Variants in CUX2 observed in about 807,000 individuals in gnomAD.
CUX2 encodes the protein homeobox protein cut-like 2.
CUX2 carries 40 observed loss-of-function variants against 144.8 expected under a neutral mutation model. The observed-to-expected ratio is 0.28, with a 90% CI of 0.21 to 0.36. The LOEUF (loss-of-function observed/expected upper bound fraction) is 0.36. Among genes scored for constraint, CUX2 ranks in the 10% least tolerant of loss-of-function variants. The probability of loss-of-function intolerance (pLI) is 1.00; values close to 1 mark genes in which losing one functional copy is unlikely to be tolerated. For synonymous variants in CUX2, 827 were observed against 875.6 expected (o/e 0.94, Z 0.98); for missense variants, 1,615 against 1,994.0 (o/e 0.81, Z 3.62).
intron 1 of CUX2, among the ~76,000 whole-genome samples, chr12:111,087,282 T>C (rs1015050700): frequency 3.5e-5 from 5 of 141,012 alleles, no homozygotes; most frequent in African/African-American, 1.4e-4. Flanking sequence ...GCAGGAGAAT[T>C]GCTTGAACCT....
At chr12:111,051,080 C>T (rs1015314272) in intron 1 of CUX2, among the ~76,000 whole-genome samples, 12 of 152,078 alleles carry the variant, frequency 7.9e-5, no homozygotes, top group Admixed American at 5.2e-4. Flanking sequence ...ATGCATGTAA[C>T]GAAATATTAC....
At chr12:111,292,107 A>T (rs764927672) in intron 5 of CUX2, among the ~76,000 whole-genome samples, 2 of 152,218 alleles carry the variant, frequency 1.3e-5, no homozygotes, top group Non-Finnish European at 2.9e-5. Context: ...ACCCCAGAGA[A>T]TTGAAAACAC....
rs1869374649 is a variant in CUX2 at position 111,035,242 on chromosome 12, TTCTC to T, written c.63+1007_63+1010del. Among the ~76,000 whole-genome samples the T allele has an allele frequency of 6.6e-6, 1 of 152,254 alleles. No individual in the cohort carries two copies. Among genetic ancestry groups the T allele is most frequent in the Non-Finnish European group, 1.5e-5 (1 of 68,032 alleles). ...GTTTCTTTCCTCTCTTCCCTGCTCT[TTCTC>T]TCTCCTTCCCTAGGGCGACTCTTCG... On this transcript the variant is annotated intron_variant, in intron 1 of 21. Transcript: ENST00000261726. The surrounding 1 kb of genome is among the most constrained non-coding windows in gnomAD (Gnocchi z 6.0).
chr12:111,321,737 A>G (rs1265056677), intron 17 of CUX2, among the ~76,000 whole-genome samples: 4 of 152,180 alleles, frequency 2.6e-5, no homozygotes, highest in South Asian at 2.1e-4. Flanking sequence ...CACCCTAGCC[A>G]GGGGACCTCA....
At chr12:111,083,356 C>G (rs1297469252) in intron 1 of CUX2, among the ~76,000 whole-genome samples, 1 of 152,036 alleles carries the variant, frequency 6.6e-6, no homozygotes. Flanking sequence ...AAGGAGACCA[C>G]GAAGGAGACA....
intron 1 of CUX2, among the ~76,000 whole-genome samples, chr12:111,198,349 C>T (rs1030403817): frequency 6.6e-6 from 1 of 152,006 alleles, no homozygotes; most frequent in Non-Finnish European, 1.5e-5. Flanking sequence ...GTGGTGAACA[C>T]CTGTAATCCT....
intron 1 of CUX2, among the ~76,000 whole-genome samples, chr12:111,141,227 AACACACACACACACACAC>A (rs111451932): frequency 1.4e-5 from 2 of 147,354 alleles, no homozygotes; most frequent in Admixed American, 6.8e-5. Context: ...GGCTTAGGTC[AACACACACACACACACAC>A]ACACACACAC....
intron 1 of CUX2, among the ~76,000 whole-genome samples, chr12:111,088,285 G>C (rs971682751): frequency 6.6e-6 from 1 of 152,038 alleles, no homozygotes; most frequent in African/African-American, 2.4e-5. Context: ...GGTGAAGGGG[G>C]CAAGAGATCT....
intron 1 of CUX2, among the ~76,000 whole-genome samples, chr12:111,088,882 G>A (rs1872398082): frequency 6.6e-6 from 1 of 152,218 alleles, no homozygotes; most frequent in African/African-American, 2.4e-5. Context: ...TGACGAGGCT[G>A]ACAGCTCTGC....
chr12:111,262,930 A>G (rs1884199420), intron 3 of CUX2, among the ~76,000 whole-genome samples: 1 of 152,240 alleles, frequency 6.6e-6, no homozygotes, highest in Non-Finnish European at 1.5e-5. Context: ...TCACCAACAC[A>G]CCGTGTGCCG....
chr12:111,330,467 C>A (rs1033794496), intron 18 of CUX2, among the ~76,000 whole-genome samples: 14 of 151,590 alleles, frequency 9.2e-5, no homozygotes, highest in African/African-American at 3.4e-4. Context: ...CCTCTCTGAA[C>A]CTCGGTTTCC....
At chr12:111,085,166 G>A (rs1460360754) in intron 1 of CUX2, among the ~76,000 whole-genome samples, 1 of 152,202 alleles carries the variant, frequency 6.6e-6, no homozygotes, top group Non-Finnish European at 1.5e-5. Flanking sequence ...TGGGGATGGA[G>A]GTGCTGTGGT....
chr12:111,053,779 A>C (rs1332190521), intron 1 of CUX2, among the ~76,000 whole-genome samples: 1 of 152,184 alleles, frequency 6.6e-6, no homozygotes, highest in East Asian at 1.9e-4. Flanking sequence ...CGGTGAACTC[A>C]TTACCATACA....
chr12:111,218,019 G>T (rs547308565), intron 3 of CUX2, 82 bp downstream of exon 3: 2 of 1,462,042 alleles, frequency 1.4e-6, no homozygotes, highest in African/African-American at 1.4e-5. Context: ...GCCCAGGGGG[G>T]CCAGCAGCCT....
chr12:111,319,905 G>C (rs2136397005), intron 16 of CUX2, 107 bp from the exon 17 acceptor site: 1 of 1,376,706 alleles, frequency 7.3e-7, no homozygotes, highest in Admixed American at 3.4e-5. Context: ...TGGACACAGA[G>C]GTTGCCTGGA....
chr12:111,238,517 G>A (rs1335140562), intron 3 of CUX2, among the ~76,000 whole-genome samples: 1 of 152,226 alleles, frequency 6.6e-6, no homozygotes, highest in Non-Finnish European at 1.5e-5. Context: ...ATGAGGCACA[G>A]AGAGGTTAGG....
chr12:111,125,402 C>T (rs998636971), intron 1 of CUX2, among the ~76,000 whole-genome samples: 1 of 152,144 alleles, frequency 6.6e-6, no homozygotes, highest in African/African-American at 2.4e-5. Context: ...TGGTCTTGAA[C>T]TCTTGGACTC....
intron 1 of CUX2, among the ~76,000 whole-genome samples, chr12:111,064,466 T>C (rs1404388784): frequency 6.6e-6 from 1 of 152,240 alleles, no homozygotes; most frequent in Non-Finnish European, 1.5e-5. Context: ...ACCATTAATA[T>C]GATTCTGGTC....
intron 21 of CUX2, among the ~76,000 whole-genome samples, chr12:111,342,956 CAAAAAAA>C (rs11314694): frequency 5.7e-4 from 39 of 68,440 alleles, no homozygotes; most frequent in Admixed American, 2.9e-3. Context: ...GAGACTATCT[CAAAAAAA>C]AAAAAAAAAA....
Sources: allele counts gnomAD v4.1 joint callset (sites outside exome capture counted in the v4.1 genomes callset), GRCh38; gene constraint gnomAD v4.1.1; non-coding constraint Gnocchi (gnomAD v3.1); transcripts MANE v1.5; gene names NCBI Gene and HGNC (gene_info 2026-07-23, HGNC 2026-07-21).